Variants in SPMIP3 observed in about 807,000 individuals in gnomAD.
SPMIP3 encodes the protein protein SPMIP3.
the SPMIP3 span, among the ~76,000 whole-genome samples, chr1:244,374,263 C>T: frequency 5.9e-5 from 9 of 152,088 alleles, no homozygotes; most frequent in Non-Finnish European, 1.3e-4. Context: ...ACGTTCACCC[C>T]ACAGAAGTGC....
At chr1:244,355,425 G>T in the SPMIP3 span, among the ~76,000 whole-genome samples, 2 of 152,070 alleles carry the variant, frequency 1.3e-5, no homozygotes, top group African/African-American at 4.8e-5. Flanking sequence ...AGTGTCATCT[G>T]TCTCCAGGCT....
the SPMIP3 span, among the ~76,000 whole-genome samples, chr1:244,373,884 T>C: frequency 1.3e-5 from 2 of 151,926 alleles, no homozygotes; most frequent in Non-Finnish European, 2.9e-5. Flanking sequence ...GAGGCCAAGG[T>C]GGGCGGATCA....
chr1:244,368,162 T>C, the SPMIP3 span, among the ~76,000 whole-genome samples: 1 of 152,190 alleles, frequency 6.6e-6, no homozygotes, highest in African/African-American at 2.4e-5. Flanking sequence ...TTTCACCATG[T>C]TGGCCAGGCT....
the SPMIP3 span, among the ~76,000 whole-genome samples, chr1:244,380,887 G>A: frequency 6.6e-6 from 1 of 151,978 alleles, no homozygotes; most frequent in African/African-American, 2.4e-5. Flanking sequence ...CAATAGCCAT[G>A]GGGGCCAGAG....
the SPMIP3 span, among the ~76,000 whole-genome samples, chr1:244,376,817 C>CTT: frequency 2.0e-5 from 3 of 146,432 alleles, no homozygotes; most frequent in African/African-American, 7.5e-5. Context: ...CAGCATCCCC[C>CTT]TTTTTTTTTT....
the SPMIP3 span, among the ~76,000 whole-genome samples, chr1:244,379,175 G>A: frequency 1.3e-5 from 2 of 150,722 alleles, no homozygotes; most frequent in South Asian, 2.1e-4. Context: ...TGATCCGCCC[G>A]CCTAAGCCTC....
chr1:244,382,674 T>G, the SPMIP3 span, among the ~76,000 whole-genome samples: 1 of 138,318 alleles, frequency 7.2e-6, no homozygotes, highest in African/African-American at 2.6e-5. Flanking sequence ...CGCAATCTCA[T>G]CTCACTGCAA....
At chr1:244,386,142 C>T in the SPMIP3 span, among the ~76,000 whole-genome samples, 1 of 152,138 alleles carries the variant, frequency 6.6e-6, no homozygotes, top group Admixed American at 6.5e-5. Flanking sequence ...CGCACCACTG[C>T]ACTCCAGCCT....
At chr1:244,360,202 A>G in the SPMIP3 span, among the ~76,000 whole-genome samples, 65,183 of 151,958 alleles carry the variant, frequency 0.43, 14,347 homozygotes, top group Middle Eastern at 0.53. Context: ...TCTTTTATCC[A>G]AAAGCCAGGC....
the SPMIP3 span, among the ~76,000 whole-genome samples, chr1:244,370,061 AAT>A: frequency 6.6e-6 from 1 of 152,184 alleles, no homozygotes; most frequent in Non-Finnish European, 1.5e-5. Flanking sequence ...TTAGAAAATA[AAT>A]GACTTTGGGG....
the SPMIP3 span, among the ~76,000 whole-genome samples, chr1:244,373,332 T>TTTATATATATATATATATATATA: frequency 1.4e-4 from 12 of 85,194 alleles, no homozygotes; most frequent in African/African-American, 4.9e-4. Context: ...CAAAAAAAAA[T>TTTATATATATATATATATATATA]TATATATATA....
chr1:244,379,022 G>A, the SPMIP3 span, among the ~76,000 whole-genome samples: 174 of 152,128 alleles, frequency 1.1e-3, no homozygotes, highest in African/African-American at 4.0e-3. Flanking sequence ...TCCGCCTCCT[G>A]GGTTCACTCC....
chr1:244,359,538 A>G, the SPMIP3 span, among the ~76,000 whole-genome samples: 34 of 152,074 alleles, frequency 2.2e-4, no homozygotes, highest in South Asian at 6.2e-4. Flanking sequence ...CCTAGCCAAC[A>G]TGATGAAACC....
At chr1:244,361,001 T>C in the SPMIP3 span, among the ~76,000 whole-genome samples, 15 of 151,106 alleles carry the variant, frequency 9.9e-5, no homozygotes, top group Admixed American at 9.2e-4. Context: ...TTCTCACTAA[T>C]ATGTGGGAGC....
At chr1:244,369,173 T>C in the SPMIP3 span, among the ~76,000 whole-genome samples, 13 of 151,968 alleles carry the variant, frequency 8.6e-5, no homozygotes, top group African/African-American at 2.4e-4. Context: ...AAAAAAATCA[T>C]ATTATATGCA....
chr1:244,377,500 T>A, the SPMIP3 span, among the ~76,000 whole-genome samples: 1 of 152,248 alleles, frequency 6.6e-6, no homozygotes, highest in Non-Finnish European at 1.5e-5. Flanking sequence ...TTTTTTTACA[T>A]GCAAGTTGTC....
chr1:244,377,475 CTAAA>C, the SPMIP3 span, among the ~76,000 whole-genome samples: 1 of 152,206 alleles, frequency 6.6e-6, no homozygotes, highest in East Asian at 1.9e-4. Flanking sequence ...GCGTCATTGT[CTAAA>C]TAATTTCCTA....
chr1:244,388,990 G>T, the SPMIP3 span: 2 of 1,613,832 alleles, frequency 1.2e-6, no homozygotes, highest in South Asian at 2.2e-5. Context: ...CTGAATCCTC[G>T]ACCGCTTAAT....
chr1:244,374,066 T>G, the SPMIP3 span, among the ~76,000 whole-genome samples: 4 of 152,074 alleles, frequency 2.6e-5, no homozygotes, highest in South Asian at 8.3e-4. Flanking sequence ...TGAGCTGAGA[T>G]TGGGCCACTG....
Sources: gnomAD v4.1 joint callset for allele counts (sites outside exome capture counted in the v4.1 genomes callset) on GRCh38, gnomAD v4.1.1 for gene constraint, MANE v1.5 for transcripts, NCBI Gene and HGNC (gene_info 2026-07-23, HGNC 2026-07-21) for gene names.